The following BORCS5 variants were observed in gnomAD, a reference collection of about 807,000 sequenced individuals.
The protein encoded by BORCS5 is BLOC-1-related complex subunit 5.
In BORCS5, 17 loss-of-function variants were observed where a neutral mutation model predicts 22.1. The ratio of observed to expected loss-of-function variants is 0.77; its 90% CI spans 0.53 to 1.15. The LOEUF is 1.15. Among genes scored for constraint, BORCS5 ranks in the 50% most tolerant of loss-of-function variants. The pLI is 0.00. For synonymous variants in BORCS5, 117 were observed against 99.8 expected, an observed-to-expected ratio of 1.17 and a Z score of -1.03; for missense variants, 247 against 253.2, an observed-to-expected ratio of 0.98 and a Z score of 0.17.
intron 2 of BORCS5, among the ~76,000 whole-genome samples, chr12:12,367,627 A>G (rs1863432308): frequency 6.6e-6 from 1 of 152,252 alleles, no homozygotes; most frequent in South Asian, 2.1e-4. Flanking sequence ...AGCCTTACTC[A>G]GAAGAGTGGG....
chr12:12,383,698 C>G (rs1014717320), intron 2 of BORCS5, among the ~76,000 whole-genome samples: 13 of 150,540 alleles, frequency 8.6e-5, no homozygotes, highest in Non-Finnish European at 7.4e-5. Flanking sequence ...CTACTCTCTT[C>G]TAGCCTCCAT....
intron 2 of BORCS5, among the ~76,000 whole-genome samples, chr12:12,385,419 C>G (rs1863858655): frequency 6.6e-6 from 1 of 151,446 alleles, no homozygotes; most frequent in Non-Finnish European, 1.5e-5. Context: ...ATTACCTGTC[C>G]CATTCTGGTA....
intron 3 of BORCS5, among the ~76,000 whole-genome samples, chr12:12,454,102 T>C (rs1942959375): frequency 6.6e-6 from 1 of 152,262 alleles, no homozygotes; most frequent in Admixed American, 6.5e-5. Flanking sequence ...ATTTGGGTTG[T>C]GTCTACTTTT....
At chr12:12,450,901 A>G (rs1159281989) in intron 3 of BORCS5, among the ~76,000 whole-genome samples, 1 of 152,264 alleles carries the variant, frequency 6.6e-6, no homozygotes, top group Non-Finnish European at 1.5e-5. Flanking sequence ...TAGATACTTA[A>G]TGGATAGCAG....
intron 3 of BORCS5, among the ~76,000 whole-genome samples, chr12:12,458,328 C>T (rs1943036093): frequency 6.6e-6 from 1 of 152,130 alleles, no homozygotes; most frequent in South Asian, 2.1e-4. Context: ...CATATTTCCC[C>T]CTCAAGAACA....
chr12:12,465,492 G>A, intron 3 of BORCS5, 54 bp from the exon 4 acceptor site: 1 of 1,508,974 alleles, frequency 6.6e-7, no homozygotes, highest in East Asian at 2.3e-5. Context: ...ACCCGGCCCT[G>A]CGGAGAGGAC....
chr12:12,448,236 T>C (rs1942830150), intron 3 of BORCS5, among the ~76,000 whole-genome samples: 1 of 152,132 alleles, frequency 6.6e-6, no homozygotes, highest in Admixed American at 6.5e-5. Flanking sequence ...TTTTTTGAGA[T>C]GGAGTTTTGC....
intron 2 of BORCS5, among the ~76,000 whole-genome samples, chr12:12,420,448 G>A (rs1389856432): frequency 6.6e-6 from 1 of 152,120 alleles, no homozygotes; most frequent in African/African-American, 2.4e-5. Context: ...GGTTACTGTA[G>A]CCTTGTAGTA....
At chr12:12,449,212 C>T (rs1436095645) in intron 3 of BORCS5, among the ~76,000 whole-genome samples, 3 of 151,996 alleles carry the variant, frequency 2.0e-5, no homozygotes, top group Non-Finnish European at 2.9e-5. Flanking sequence ...GAGGGAGCCT[C>T]GAATTAGTCA....
chr12:12,431,428 G>GTTTTT (rs1942422750), intron 2 of BORCS5, among the ~76,000 whole-genome samples: 1 of 136,168 alleles, frequency 7.3e-6, no homozygotes, highest in Non-Finnish European at 1.5e-5. Flanking sequence ...TTTTGAGACG[G>GTTTTT]AGTCTTGCTC....
At chr12:12,452,148 A>G (rs1592138368) in intron 3 of BORCS5, 1 of 563,898 alleles carries the variant, frequency 1.8e-6, no homozygotes, top group Non-Finnish European at 3.5e-6. Context: ...AATGTCACCA[A>G]TGTTAATATT....
intron 2 of BORCS5, among the ~76,000 whole-genome samples, chr12:12,412,599 G>A (rs1025064861): frequency 2.6e-5 from 4 of 151,912 alleles, no homozygotes; most frequent in Non-Finnish European, 5.9e-5. Flanking sequence ...TTCTAATTTC[G>A]ATGCCTTTTA....
intron 2 of BORCS5, among the ~76,000 whole-genome samples, chr12:12,401,812 A>C (rs1941483167): frequency 6.6e-6 from 1 of 152,122 alleles, no homozygotes; most frequent in African/African-American, 2.4e-5. Context: ...TAATCCCAGC[A>C]CTTTGGGAGG....
chr12:12,449,649 A>C (rs1942867601), intron 3 of BORCS5, among the ~76,000 whole-genome samples: 1 of 152,228 alleles, frequency 6.6e-6, no homozygotes, highest in Non-Finnish European at 1.5e-5. Context: ...ACCTGAATAA[A>C]ATGTGTTCTT....
rs566296764 is a variant in BORCS5 at position 12,448,376 on chromosome 12, C to T, written c.360+12591C>T. On this transcript the variant is annotated intron_variant, in intron 3 of 3. Coordinates refer to ENST00000314565, the MANE Select transcript of BORCS5 (RefSeq NM_058169.6). ...GATTACAGGTGCCTGCCACCACACCCGGCTAATTTTTGTATTTTTAGTAGA... is the reference window on the plus strand; with the variant it reads ...GATTACAGGTGCCTGCCACCACACCTGGCTAATTTTTGTATTTTTAGTAGA... 1.2e-4 allele frequency among the ~76,000 whole-genome samples: 18 copies of T among 151,938 alleles called. No homozygotes were observed. In the East Asian group the frequency reaches 1.6e-3, roughly 13 times the overall value.
intron 2 of BORCS5, among the ~76,000 whole-genome samples, chr12:12,382,493 T>C (rs1863794565): frequency 6.6e-6 from 1 of 150,702 alleles, no homozygotes; most frequent in South Asian, 2.1e-4. Flanking sequence ...CCAAATGATA[T>C]CACTATTCTG....
chr12:12,452,512 TG>T, intron 3 of BORCS5: 1 of 437,406 alleles, frequency 2.3e-6, no homozygotes, highest in Non-Finnish European at 4.7e-6. Flanking sequence ...GGGTAGGCAC[TG>T]GGGGCCAGGG....
At chr12:12,382,997 T>C (rs1295329568) in intron 2 of BORCS5, among the ~76,000 whole-genome samples, 3 of 151,534 alleles carry the variant, frequency 2.0e-5, no homozygotes, top group African/African-American at 7.3e-5. Context: ...AATATAGTTA[T>C]TGATCTGGTT....
chr12:12,390,239 C>T (rs1324584545), intron 2 of BORCS5, among the ~76,000 whole-genome samples: 3 of 152,104 alleles, frequency 2.0e-5, no homozygotes, highest in Non-Finnish European at 4.4e-5. Flanking sequence ...TAGCCAAATA[C>T]ACAATCTCTG....
Sources: allele counts gnomAD v4.1 joint callset (sites outside exome capture counted in the v4.1 genomes callset), GRCh38; gene constraint gnomAD v4.1.1; transcripts MANE v1.5; gene names NCBI Gene and HGNC (gene_info 2026-07-23, HGNC 2026-07-21).